The following EML6 variants were observed in gnomAD, a reference collection of about 807,000 sequenced individuals.
EML6 encodes the protein echinoderm microtubule-associated protein-like 6.
Under a neutral mutation model 240.1 loss-of-function variants are expected in EML6, and 154 were observed. The observed-to-expected ratio is 0.64, with a 90% confidence interval of 0.56 to 0.73. The LOEUF (loss-of-function observed/expected upper bound fraction) is 0.73. Among genes scored for constraint, EML6 ranks in the 30% least tolerant of loss-of-function variants. EML6 has a pLI of 0.00. For missense variants in EML6, 2,964 were observed against 2,474.6 expected, an observed-to-expected ratio of 1.20 and a Z score of -4.20; for synonymous variants, 1,148 against 899.0, an observed-to-expected ratio of 1.28 and a Z score of -4.95.
Position 54,954,049 on chromosome 2 carries a change from T to A in EML6, c.4379T>A (p.Phe1460Tyr). 6.4e-7 allele frequency: 1 copy of A among 1,551,816 alleles called. No homozygotes were observed. The highest frequency in any genetic ancestry group is 8.7e-7 in the Non-Finnish European group (1 of 1,146,974). Residue 1460 changes from phenylalanine (F) to tyrosine (Y), a missense_variant, in exon 32 of 42, where the codon TTC becomes TAC. By Grantham distance (22) the Phe-to-Tyr change is conservative. Transcript: ENST00000356458. ...TKHTLSMLRC[F>Y]HSKGVNYINF... ...CACACCCTCTCCATGCTGCGGTGCT[T>A]CCACTCCAAGGGGGTGAATTACATC...
chr2:54,813,366 G>C lies in EML6; in HGVS notation c.332G>C (p.Cys111Ser). 1 of 1,551,606 alleles carries C rather than the reference G, an allele frequency of 6.4e-7. No individual in the cohort carries two copies. Among genetic ancestry groups the C allele is most frequent in the African/African-American group, 1.4e-5 (1 of 73,140 alleles). The change falls in exon 3 of 42, where the codon TGC becomes TCC. Residue 111 changes from cysteine (C) to serine (S), a missense_variant. Coordinates refer to ENST00000356458, the MANE Select transcript of EML6 (RefSeq NM_001039753.4). ...LKDVHTHGVA[C>S]LAFDSDGQRL... ...GATGTCCATACACATGGAGTTGCCT[G>C]CCTGGCTTTTGACTCAGATGGACAG...
intron 21 of EML6, among the ~76,000 whole-genome samples, chr2:54,897,549 C>T (rs1672834065): frequency 6.6e-6 from 1 of 152,198 alleles, no homozygotes; most frequent in African/African-American, 2.4e-5. Flanking sequence ...AGCCCTTGTT[C>T]ACCTCACCAG....
In EML6 at chr2:54,795,068, T is replaced by G. The variant is rs577342167; in HGVS notation, c.198-18164T>G. Among the ~76,000 whole-genome samples, 5 of 152,326 alleles carry G rather than the reference T, an allele frequency of 3.3e-5. No individual in the cohort carries two copies. The South Asian group carries it at 1.0e-3, about 32-fold the overall frequency. ...TATTCGTGTTTTTTTGTTTGTTTGT[T>G]TTTCTAGATTGGTTTTGCTTTAACT... On this transcript the variant is annotated intron_variant, in intron 2 of 41. Transcript: ENST00000356458.
At chr2:54,879,931 A>G (rs1239100331) in intron 17 of EML6, 1 of 282,202 alleles carries the variant, frequency 3.5e-6, no homozygotes, top group Non-Finnish European at 6.5e-6. Context: ...CAGCAATAGA[A>G]AAGCAGCTTT....
intron 2 of EML6, among the ~76,000 whole-genome samples, chr2:54,778,891 C>CAAAAA (rs556068541): frequency 3.0e-5 from 3 of 99,590 alleles, no homozygotes; most frequent in East Asian, 6.8e-4. Context: ...GACTCCATCT[C>CAAAAA]AAAAAAAAAA....
At chr2:54,909,882 A>C (rs1018162770) in intron 24 of EML6, among the ~76,000 whole-genome samples, 1 of 151,514 alleles carries the variant, frequency 6.6e-6, no homozygotes. Flanking sequence ...AGATTAGCCA[A>C]GCTAGATTTC....
rs34352060 is a variant in EML6, at chr2:54,846,923, A to ATTTTTTTTTTTT, written c.1050-561_1050-550dup. On this transcript the variant is annotated intron_variant, in intron 8 of 41. Coordinates refer to ENST00000356458, the MANE Select transcript of EML6 (RefSeq NM_001039753.4). ...AAAGTAATATTTTGTATGAAGTAGTATTTTTTTTTTTTTGGAGACAGGGCC... is the reference window on the plus strand; with the variant it reads ...AAAGTAATATTTTGTATGAAGTAGTATTTTTTTTTTTTTTTTTTTTTTTTTGGAGACAGGGCC... Among the ~76,000 whole-genome samples, 19 of 129,944 alleles carry ATTTTTTTTTTTT rather than the reference A, an allele frequency of 1.5e-4. 1 individual carries two copies. The highest frequency in any genetic ancestry group is 8.4e-4 in the South Asian group (3 of 3,572). The allele number at this position is 129,944 out of a possible 152,430, so 85.2% of individuals were successfully genotyped here.
chr2:54,847,433 G>A lies in EML6; in HGVS notation c.1050-53G>A, dbSNP rs569496416. 35 of 1,533,756 alleles carry A rather than the reference G, an allele frequency of 2.3e-5. 1 individual carries two copies. In the East Asian group the frequency reaches 3.9e-4, roughly 17 times the overall value. ...CAGCCCTTCTTGCCTTGGGCTGGCCGATGACCATGGGAAGTTGGTTTTGTT... is the reference window on the plus strand; with the variant it reads ...CAGCCCTTCTTGCCTTGGGCTGGCCAATGACCATGGGAAGTTGGTTTTGTT... On this transcript the variant is annotated intron_variant, in intron 8 of 41. Coordinates refer to ENST00000356458, the MANE Select transcript of EML6 (RefSeq NM_001039753.4).
At chr2:54,890,452 T>C (rs76339829) in intron 17 of EML6, among the ~76,000 whole-genome samples, 21 of 152,340 alleles carry the variant, frequency 1.4e-4, no homozygotes, top group African/African-American at 2.6e-4. Context: ...TTTGCACTTA[T>C]GTTTGTCCTT....
chr2:54,820,433 G>A lies in EML6; in HGVS notation c.496G>A (p.Val166Met). The stretch of plus-strand genomic sequence containing the variant: ...CTGGGATCCATATCAGCCAAACAGA[G>A]TGGTTAGCTGTGGAGTAAAACACAT... Reference protein sequence around the residue: ...ISWDPYQPNRVVSCGVKHIKF... With the variant: ...ISWDPYQPNRMVSCGVKHIKF... Residue 166 changes from valine to methionine, a missense_variant, in exon 5 of 42, where the codon GTG (valine) becomes ATG (methionine). Transcript: ENST00000356458. 6.5e-7 allele frequency: 1 copy of A among 1,549,920 alleles called. No individual in the cohort carries two copies. Among genetic ancestry groups the A allele is most frequent in the Non-Finnish European group, 8.7e-7 (1 of 1,145,556 alleles).
chr2:54,757,480 TG>T (rs1189466162), intron 2 of EML6, among the ~76,000 whole-genome samples: 1 of 151,484 alleles, frequency 6.6e-6, no homozygotes, highest in Non-Finnish European at 1.5e-5. Flanking sequence ...GGGGTGACCG[TG>T]GGGTATGCAG....
chr2:54,743,002 C>T (rs1683723113), intron 2 of EML6, among the ~76,000 whole-genome samples: 1 of 152,294 alleles, frequency 6.6e-6, no homozygotes, highest in South Asian at 2.1e-4. Flanking sequence ...AATCACTAAC[C>T]TAACTAAAGA....
Position 54,863,821 on chromosome 2 carries a change from G to A in EML6, c.1864G>A (p.Asp622Asn). 1 of 1,549,542 alleles carries A rather than the reference G, an allele frequency of 6.5e-7. No individual in the cohort carries two copies. ...ADSYSEESDSDLSDVPELDSD... is the reference protein window; with the variant it reads ...ADSYSEESDSNLSDVPELDSD... ...TTCCTACAGTGAAGAATCTGATTCA[G>A]ATTTATCTGATGTGCCCGAACTGGA... Residue 622 changes from aspartate to asparagine, a missense_variant, in exon 13 of 42, where the codon GAT (aspartate) becomes AAT (asparagine). Coordinates refer to ENST00000356458, the MANE Select transcript of EML6 (RefSeq NM_001039753.4).
intron 2 of EML6, among the ~76,000 whole-genome samples, chr2:54,763,734 G>A (rs182686622): frequency 2.0e-5 from 3 of 152,256 alleles, no homozygotes; most frequent in Middle Eastern, 3.4e-3. Context: ...GTAAAAATTG[G>A]GTATGACATT....
At chr2:54,812,043 A>G (rs909666515) in intron 2 of EML6, among the ~76,000 whole-genome samples, 20 of 152,214 alleles carry the variant, frequency 1.3e-4, no homozygotes, top group African/African-American at 4.6e-4. Flanking sequence ...GCCATATTAT[A>G]TTCACACAGG....
intron 5 of EML6, among the ~76,000 whole-genome samples, chr2:54,824,892 G>A (rs952086961): frequency 6.6e-6 from 1 of 152,186 alleles, no homozygotes; most frequent in Admixed American, 6.5e-5. Flanking sequence ...ATTTAATGAT[G>A]TGTTGCTACC....
At chr2:54,810,202 C>G (rs904558179) in intron 2 of EML6, among the ~76,000 whole-genome samples, 5 of 151,926 alleles carry the variant, frequency 3.3e-5, no homozygotes, top group African/African-American at 1.2e-4. Flanking sequence ...GAAGGAACTT[C>G]TGGCAAGAAA....
chr2:54,801,003 G>C (rs777327649), intron 2 of EML6, among the ~76,000 whole-genome samples: 26 of 152,058 alleles, frequency 1.7e-4, no homozygotes, highest in Non-Finnish European at 3.7e-4. Context: ...CTTAGCCCTG[G>C]ACATTAAATT....
At chr2:54,910,527 T>G (rs1035225448) in intron 24 of EML6, among the ~76,000 whole-genome samples, 6 of 152,280 alleles carry the variant, frequency 3.9e-5, no homozygotes, top group African/African-American at 1.4e-4. Context: ...CCTAAGTAAA[T>G]GTGAATGCTC....
Sources: gnomAD v4.1 joint callset for allele counts (sites outside exome capture counted in the v4.1 genomes callset) on GRCh38, gnomAD v4.1.1 for gene constraint, MANE v1.5 for transcripts, NCBI Gene and HGNC (gene_info 2026-07-23, HGNC 2026-07-21) for gene names.